Variants in TUBGCP4 observed in about 807,000 individuals in gnomAD.
The protein encoded by TUBGCP4 is gamma-tubulin complex component 4.
A neutral mutation model predicts 91.6 loss-of-function variants in TUBGCP4; 54 were observed. The ratio of observed to expected loss-of-function variants is 0.59; its 90% CI spans 0.47 to 0.74. The LOEUF (loss-of-function observed/expected upper bound fraction) is 0.74. Ranked by LOEUF, TUBGCP4 falls within the 30% of genes least tolerant of loss-of-function variation. The pLI is 0.00. For synonymous variants in TUBGCP4, 297 were observed against 302.8 expected (o/e 0.98, Z 0.20); for missense variants, 593 against 800.9 (o/e 0.74, Z 3.13).
chr15:43,407,856 G>A lies in TUBGCP4; in HGVS notation c.*2642G>A. Reference sequence around the variant, plus strand: ...AAACATGGATACGGTCAACCTATTAGGCCTGAGCCTTGGACCACAAGGCCT... The same window carrying A: ...AAACATGGATACGGTCAACCTATTAAGCCTGAGCCTTGGACCACAAGGCCT... On this transcript the variant is annotated 3_prime_UTR_variant, in exon 18 of 18. Transcript: ENST00000564079. 7.4e-7 allele frequency: 1 copy of A among 1,349,198 alleles called. No homozygotes were observed. Among genetic ancestry groups the A allele is most frequent in the Non-Finnish European group, 1.0e-6 (1 of 988,834 alleles). The allele number at this position is 1,349,198 out of a possible 1,614,324, so 83.6% of individuals were successfully genotyped here. A position where few individuals can be genotyped will look rare whatever the true frequency, so the allele number is the denominator to read the frequency against.
intron 1 of TUBGCP4, among the ~76,000 whole-genome samples, chr15:43,371,882 C>A (rs1283211391): frequency 6.6e-6 from 1 of 152,196 alleles, no homozygotes; most frequent in Admixed American, 6.5e-5. Context: ...TCCCTCATTA[C>A]TCCTTTACCA....
Position 43,371,264 on chromosome 15 carries a change from G to A in TUBGCP4, c.-91G>A. 1 of 1,320,562 alleles carries A rather than the reference G, an allele frequency of 7.6e-7. No homozygotes were observed. Among genetic ancestry groups the A allele is most frequent in the South Asian group, 1.2e-5 (1 of 80,374 alleles). 81.8% of individuals were successfully genotyped at this position (1,320,562 alleles called of 1,614,324 possible). ...CCGCCCGACCCAGGGGCCGGTGCGCGTGTGGAAGGGGAAGCACTCCCCTCG... is the reference window on the plus strand; with the variant it reads ...CCGCCCGACCCAGGGGCCGGTGCGCATGTGGAAGGGGAAGCACTCCCCTCG... On this transcript the variant is annotated 5_prime_UTR_variant, in exon 1 of 18. In the 5' UTR this introduces an upstream ATG that the reference lacks. Coordinates refer to ENST00000564079, the MANE Select transcript of TUBGCP4 (RefSeq NM_014444.5).
rs1426380443 is a variant in TUBGCP4, at chr15:43,406,576, A to G, written c.*1362A>G. 2 of 455,854 alleles carry G rather than the reference A, an allele frequency of 4.4e-6. No homozygotes were observed. Among genetic ancestry groups the G allele is most frequent in the Non-Finnish European group, 8.8e-6 (2 of 226,774 alleles). The allele number at this position is 455,854 out of a possible 1,614,324, so 28.2% of individuals were successfully genotyped here. A position where few individuals can be genotyped will look rare whatever the true frequency, so the allele number is the denominator to read the frequency against. ...GATCAAATGGCCCACAAAGCCTGAA[A>G]TATTTACTCTTTGACCCTTTACAGA... On this transcript the variant is annotated 3_prime_UTR_variant, in exon 18 of 18. Transcript: ENST00000564079.
chr15:43,390,225 A>G (rs1027401637), intron 9 of TUBGCP4, among the ~76,000 whole-genome samples: 1 of 152,156 alleles, frequency 6.6e-6, no homozygotes, highest in African/African-American at 2.4e-5. Context: ...AACAGTTTAT[A>G]TAAGACAGGA....
rs765222844 is a variant in TUBGCP4, at chr15:43,407,577, G to T, written c.*2363G>T. ...AATACCCCTAAAGCAATATCTGCAA[G>T]GAGCAAGGGAAAGTGAAGAAGGAAA... On this transcript the variant is annotated 3_prime_UTR_variant, in exon 18 of 18. Coordinates refer to ENST00000564079, the MANE Select transcript of TUBGCP4 (RefSeq NM_014444.5). 1.7e-5 allele frequency: 28 copies of T among 1,602,010 alleles called. No homozygotes were observed. The Admixed American group carries it at 4.6e-4, about 27-fold the overall frequency.
rs1402799032 is a variant in TUBGCP4, at chr15:43,393,927, C to T, written c.1015-1180C>T. 2.0e-5 allele frequency among the ~76,000 whole-genome samples: 3 copies of T among 152,122 alleles called. No homozygotes were observed. The East Asian group carries it at 5.8e-4, about 29-fold the overall frequency. On this transcript the variant is annotated intron_variant, in intron 9 of 17. Transcript: ENST00000564079. Reference sequence around the variant, plus strand: ...CCCCACTGTCTTTTTCATTTGCATGCCTGTAATGACTAATGAGGTTGAACA... The same window carrying T: ...CCCCACTGTCTTTTTCATTTGCATGTCTGTAATGACTAATGAGGTTGAACA...
At chr15:43,393,360 C>T (rs1440637275) in intron 9 of TUBGCP4, among the ~76,000 whole-genome samples, 1 of 151,928 alleles carries the variant, frequency 6.6e-6, no homozygotes, top group African/African-American at 2.4e-5. Context: ...CAGGCACCCG[C>T]CACCACGCCC....
At chr15:43,400,463 T>A (rs2044655725) in intron 14 of TUBGCP4, among the ~76,000 whole-genome samples, 1 of 152,142 alleles carries the variant, frequency 6.6e-6, no homozygotes, top group South Asian at 2.1e-4. Flanking sequence ...AGTGGTACAG[T>A]CATAGCTCAC....
chr15:43,374,472 C>T (rs182289089), intron 1 of TUBGCP4, among the ~76,000 whole-genome samples: 1 of 152,138 alleles, frequency 6.6e-6, no homozygotes, highest in East Asian at 1.9e-4. Flanking sequence ...ATTAGCTGGG[C>T]ATGGTGACAC....
At chr15:43,373,826 G>GA (rs2044161043) in intron 1 of TUBGCP4, among the ~76,000 whole-genome samples, 1 of 151,476 alleles carries the variant, frequency 6.6e-6, no homozygotes. Context: ...TTTTTTTGTA[G>GA]TTTTTTTAGT....
Position 43,385,914 on chromosome 15 carries a change from G to A in TUBGCP4, c.847G>A (p.Val283Ile). The stretch of plus-strand genomic sequence containing the variant: ...AAAAATCCTATTTGTTGGAGAATCT[G>A]TCCAGATGTTTGAGAATCAAAATGT... ...AEKILFVGES[V>I]QMFENQNVNL... is the part of the protein sequence containing the mutation. The change falls in exon 8 of 18, where the codon GTC (valine) becomes ATC (isoleucine). Residue 283 changes from valine to isoleucine, a missense_variant. By Grantham distance (29) the Val-to-Ile change is conservative (BLOSUM62 3). Coordinates refer to ENST00000564079, the MANE Select transcript of TUBGCP4 (RefSeq NM_014444.5). 1 of 1,614,084 alleles carries A rather than the reference G, an allele frequency of 6.2e-7. No individual in the cohort carries two copies. The highest frequency in any genetic ancestry group is 8.5e-7 in the Non-Finnish European group (1 of 1,180,008).
rs139029618 is a variant in TUBGCP4, at chr15:43,377,449, C to T, written c.384+382C>T. 501 of 299,456 alleles carry T rather than the reference C, an allele frequency of 1.7e-3. 15 individuals are homozygous for T. In the East Asian group the frequency reaches 0.034, roughly 21 times the overall value. 18.5% of individuals were successfully genotyped at this position (299,456 alleles called of 1,614,324 possible). On this transcript the variant is annotated intron_variant, in intron 4 of 17. Coordinates refer to ENST00000564079, the MANE Select transcript of TUBGCP4 (RefSeq NM_014444.5). The stretch of plus-strand genomic sequence containing the variant: ...ACCAGCCTGGCCAAAATGGTGAAAC[C>T]CTGTCTCTACTAAACATACAAAAAT...
intron 15 of TUBGCP4, chr15:43,403,144 TAAG>T (rs2044725873): frequency 6.6e-6 from 1 of 152,154 alleles, no homozygotes; most frequent in African/African-American, 2.4e-5. Flanking sequence ...GCTCTGCCCT[TAAG>T]GAGCTCACAA....
At chr15:43,391,944 A>G (rs2044474887) in intron 9 of TUBGCP4, among the ~76,000 whole-genome samples, 1 of 151,948 alleles carries the variant, frequency 6.6e-6, no homozygotes, top group Non-Finnish European at 1.5e-5. Flanking sequence ...AGTCCCAGCT[A>G]CTCGGGAGGC....
At chr15:43,383,606 C>G (rs1344766511) in intron 7 of TUBGCP4, 102 bp downstream of exon 7, 1 of 948,892 alleles carries the variant, frequency 1.1e-6, no homozygotes, top group Admixed American at 3.1e-5. Flanking sequence ...TAGCTGAGCA[C>G]CTTCCATCAA....
chr15:43,393,463 T>C (rs1297986015), intron 9 of TUBGCP4, among the ~76,000 whole-genome samples: 3 of 151,966 alleles, frequency 2.0e-5, no homozygotes, highest in African/African-American at 7.3e-5. Flanking sequence ...ATTATTATTA[T>C]ACTTTAAGTT....
Position 43,408,742 on chromosome 15 carries a change from CTAGA to C in TUBGCP4, c.*3531_*3534del. On this transcript the variant is annotated 3_prime_UTR_variant, in exon 18 of 18. Transcript: ENST00000564079. ...AGCCAATGTAACCTAGGGAAATAAA[CTAGA>C]TAAACTCCTGAAGTCATTTCAAACC... is the stretch of plus-strand genomic sequence containing the variant. The C allele has an allele frequency of 1.4e-6, 1 of 700,714 alleles. No individual in the cohort carries two copies. Among genetic ancestry groups the C allele is most frequent in the East Asian group, 2.7e-5 (1 of 36,650 alleles). 43.4% of individuals were successfully genotyped at this position (700,714 alleles called of 1,614,324 possible). A position where few individuals can be genotyped will look rare whatever the true frequency, so the allele number is the denominator to read the frequency against.
chr15:43,372,737 A>G (rs969097453), intron 1 of TUBGCP4, among the ~76,000 whole-genome samples: 1 of 152,218 alleles, frequency 6.6e-6, no homozygotes, highest in Non-Finnish European at 1.5e-5. Flanking sequence ...TCTCAGCTTT[A>G]AAGTCACTTT....
At chr15:43,376,368 C>A in intron 2 of TUBGCP4, 135 bp from the exon 3 acceptor site, 2 of 1,596,404 alleles carry the variant, frequency 1.3e-6, no homozygotes, top group Non-Finnish European at 1.7e-6. Flanking sequence ...TTTCTCATCA[C>A]TAGAAATATT....
Sources: allele counts gnomAD v4.1 joint callset (sites outside exome capture counted in the v4.1 genomes callset), GRCh38; gene constraint gnomAD v4.1.1; transcripts MANE v1.5; gene names NCBI Gene and HGNC (gene_info 2026-07-23, HGNC 2026-07-21).